Variants in DSCAM observed in about 807,000 individuals in gnomAD.
DSCAM encodes cell adhesion molecule DSCAM.
A neutral mutation model predicts 217.7 loss-of-function variants in DSCAM; 47 were observed. That is an observed-to-expected ratio of 0.22 (90% CI 0.17 to 0.28). The LOEUF (loss-of-function observed/expected upper bound fraction) is 0.28, where lower values mean the gene tolerates loss of function less well. DSCAM is among the 10% of genes least tolerant of loss of function. The pLI is 1.00. For synonymous variants in DSCAM, 1,056 were observed against 1,015.3 expected (o/e 1.04, Z -0.76); for missense variants, 2,080 against 2,618.3 (o/e 0.79, Z 4.49).
At chr21:40,269,859 A>T (rs7281973) in intron 11 of DSCAM, among the ~76,000 whole-genome samples, 57,867 of 151,928 alleles carry the variant, frequency 0.38, 11,458 homozygotes, top group South Asian at 0.43. Flanking sequence ...TTATACCTGC[A>T]ATGTGCAAGT....
At chr21:40,338,073 G>C (rs972883076) in intron 8 of DSCAM, 28 bp downstream of exon 8, 1 of 1,608,802 alleles carries the variant, frequency 6.2e-7, no homozygotes. Context: ...GGAATGAGTT[G>C]TGTGGGAACC....
chr21:40,243,262 A>C (rs553247132), intron 11 of DSCAM, among the ~76,000 whole-genome samples: 1 of 152,358 alleles, frequency 6.6e-6, no homozygotes, highest in South Asian at 2.1e-4. Flanking sequence ...AAAAGGAAAA[A>C]AATAATAAAG....
chr21:40,672,974 C>A (rs938252893), intron 3 of DSCAM, among the ~76,000 whole-genome samples: 6 of 152,184 alleles, frequency 3.9e-5, no homozygotes, highest in South Asian at 4.1e-4. Context: ...CAACAGCAGT[C>A]ACATCAATCC....
chr21:40,253,710 G>C (rs1256706601), intron 11 of DSCAM, among the ~76,000 whole-genome samples: 1 of 152,256 alleles, frequency 6.6e-6, no homozygotes. Context: ...AACTCAGACA[G>C]CTTCCTGGTT....
intron 2 of DSCAM, 37 bp downstream of exon 2, chr21:40,708,417 C>A: frequency 1.5e-6 from 2 of 1,379,042 alleles, no homozygotes; most frequent in Non-Finnish European, 1.9e-6. Flanking sequence ...CCATCCCAAG[C>A]AGGCACAGAA....
At chr21:40,608,885 C>A (rs939091491) in intron 3 of DSCAM, among the ~76,000 whole-genome samples, 3 of 152,138 alleles carry the variant, frequency 2.0e-5, no homozygotes, top group African/African-American at 7.2e-5. Flanking sequence ...CTCGTTTTCA[C>A]CCTGGGTAAT....
At chr21:40,248,883 C>G (rs185779407) in intron 11 of DSCAM, among the ~76,000 whole-genome samples, 1 of 152,110 alleles carries the variant, frequency 6.6e-6, no homozygotes, top group African/African-American at 2.4e-5. Context: ...CTCAGAATCA[C>G]GGCAGGAGGC....
At chr21:40,623,650 C>T (rs1020972829) in intron 3 of DSCAM, among the ~76,000 whole-genome samples, 1 of 152,102 alleles carries the variant, frequency 6.6e-6, no homozygotes, top group African/African-American at 2.4e-5. Context: ...TGGGTCTCTG[C>T]AAACAAATCT....
At chr21:40,470,378 C>T (rs756315507) in intron 3 of DSCAM, among the ~76,000 whole-genome samples, 23 of 152,224 alleles carry the variant, frequency 1.5e-4, no homozygotes, top group Non-Finnish European at 2.9e-4. Context: ...CTTACAATAA[C>T]GTCCTGCCAA....
At chr21:40,697,898 GAA>G (rs1194077561) in intron 2 of DSCAM, among the ~76,000 whole-genome samples, 1 of 152,060 alleles carries the variant, frequency 6.6e-6, no homozygotes, top group Admixed American at 6.6e-5. Flanking sequence ...GGATGGCCTT[GAA>G]TCTGTAGATC....
At chr21:40,736,052 A>G (rs947181580) in intron 1 of DSCAM, among the ~76,000 whole-genome samples, 1 of 152,178 alleles carries the variant, frequency 6.6e-6, no homozygotes, top group Non-Finnish European at 1.5e-5. Context: ...TTCAGTTTTC[A>G]TAATTTGCTA....
At chr21:40,631,320 T>C (rs1396331810) in intron 3 of DSCAM, among the ~76,000 whole-genome samples, 2 of 152,226 alleles carry the variant, frequency 1.3e-5, no homozygotes, top group Non-Finnish European at 2.9e-5. Flanking sequence ...AGCCAGCTAC[T>C]GAACTGCTCT....
chr21:40,509,697 T>C (rs939647450), intron 3 of DSCAM, among the ~76,000 whole-genome samples: 1 of 152,060 alleles, frequency 6.6e-6, no homozygotes, highest in African/African-American at 2.4e-5. Flanking sequence ...GTAATCACAT[T>C]AAAAAACAGG....
chr21:40,107,249 C>A (rs898859992), intron 20 of DSCAM, among the ~76,000 whole-genome samples: 2 of 152,138 alleles, frequency 1.3e-5, no homozygotes, highest in African/African-American at 4.8e-5. Flanking sequence ...CATTCAGGAG[C>A]AGGTCATTCA....
intron 32 of DSCAM, among the ~76,000 whole-genome samples, chr21:40,025,092 T>C (rs2088350898): frequency 7.7e-6 from 1 of 129,448 alleles, no homozygotes; most frequent in Non-Finnish European, 1.7e-5. Context: ...GGTTGTTGAA[T>C]TTTGTCAAAG....
In DSCAM at chr21:40,536,465, C is replaced by A. The variant is rs6517599; in HGVS notation, c.508+156345G>T. ...CCCCCAGGCTGGAGTGCAGTGGCGC[C>A]ATCTCGGCTCACTGCAAGCTCCGCC... is the stretch of plus-strand genomic sequence containing the variant. On this transcript the variant is annotated intron_variant, in intron 3 of 32. Coordinates refer to ENST00000400454, the MANE Select transcript of DSCAM (RefSeq NM_001389.5). Among the ~76,000 whole-genome samples, 74 of 150,148 alleles carry A rather than the reference C, an allele frequency of 4.9e-4. No individual in the cohort carries two copies. In the South Asian group the frequency reaches 6.8e-3, roughly 14 times the overall value.
chr21:40,043,045 T>C (rs1754340303), intron 31 of DSCAM, among the ~76,000 whole-genome samples: 1 of 152,236 alleles, frequency 6.6e-6, no homozygotes, highest in South Asian at 2.1e-4. Context: ...AGAGACTCTT[T>C]AATTGGCATG....
chr21:40,590,281 C>T (rs918375006), intron 3 of DSCAM, among the ~76,000 whole-genome samples: 2 of 152,184 alleles, frequency 1.3e-5, no homozygotes, highest in African/African-American at 2.4e-5. Flanking sequence ...ATGCAAGATT[C>T]GAATATCCCC....
chr21:40,158,193 T>G (rs2090501074), intron 16 of DSCAM, among the ~76,000 whole-genome samples: 1 of 152,106 alleles, frequency 6.6e-6, no homozygotes, highest in African/African-American at 2.4e-5. Context: ...GAGACCAGCC[T>G]GGGCAACATA....
Sources: gnomAD v4.1 joint callset for allele counts (sites outside exome capture counted in the v4.1 genomes callset) on GRCh38, gnomAD v4.1.1 for gene constraint, MANE v1.5 for transcripts, NCBI Gene and HGNC (gene_info 2026-07-23, HGNC 2026-07-21) for gene names.